Variants in IPO11 observed in about 807,000 individuals in gnomAD.
IPO11 encodes the protein importin-11.
Under a neutral mutation model 143.2 loss-of-function variants are expected in IPO11, and 66 were observed. The observed-to-expected ratio is 0.46, with a 90% CI of 0.38 to 0.57. IPO11 has a LOEUF of 0.57. Among genes scored for constraint, IPO11 ranks in the 20% least tolerant of loss-of-function variants. The pLI is 0.00. For synonymous variants in IPO11, 385 were observed against 377.8 expected (o/e 1.02, Z -0.22); for missense variants, 1,026 against 1,141.0 (o/e 0.90, Z 1.45).
chr5:62,498,987 T>A (rs1237064336), intron 16 of IPO11, among the ~76,000 whole-genome samples: 1 of 152,260 alleles, frequency 6.6e-6, no homozygotes, highest in Non-Finnish European at 1.5e-5. Context: ...TGAAAGCCTA[T>A]GTAAGATATA....
intron 9 of IPO11, among the ~76,000 whole-genome samples, chr5:62,477,447 A>C (rs1580224515): frequency 6.6e-6 from 1 of 152,320 alleles, no homozygotes; most frequent in East Asian, 1.9e-4. Flanking sequence ...AAGGAGCAGA[A>C]ATGAGCTGTT....
At chr5:62,459,777 C>T (rs1745292715) in intron 5 of IPO11, among the ~76,000 whole-genome samples, 1 of 152,152 alleles carries the variant, frequency 6.6e-6, no homozygotes, top group Non-Finnish European at 1.5e-5. Context: ...TCACGAACTC[C>T]TGAGCTTATG....
intron 24 of IPO11, among the ~76,000 whole-genome samples, chr5:62,547,501 A>ATTT (rs1743245504): frequency 6.6e-6 from 1 of 151,880 alleles, no homozygotes; most frequent in Non-Finnish European, 1.5e-5. Flanking sequence ...CTAGTTCTGA[A>ATTT]TTTTCTCTTG....
At chr5:62,579,877 G>T (rs1324019597) in intron 27 of IPO11, 9 of 1,550,200 alleles carry the variant, frequency 5.8e-6, no homozygotes, top group Non-Finnish European at 1.7e-6. Flanking sequence ...GGTATCTTTT[G>T]TTCCGAGAGG....
chr5:62,492,897 CA>C (rs1740975379), intron 15 of IPO11, among the ~76,000 whole-genome samples: 1 of 151,558 alleles, frequency 6.6e-6, no homozygotes, highest in African/African-American at 2.4e-5. Flanking sequence ...TTTAAAATTG[CA>C]ATTTTTTGGG....
In IPO11 at chr5:62,514,452, C is replaced by T. The variant is rs375653537; in HGVS notation, c.1783-936C>T. ...CAAAAAAACACGAAAACCAGTCAGGCGTGGCGGCGCACGCCTGCAATCGCA... is the reference window on the plus strand; with the variant it reads ...CAAAAAAACACGAAAACCAGTCAGGTGTGGCGGCGCACGCCTGCAATCGCA... On this transcript the variant is annotated intron_variant, in intron 19 of 29. Coordinates refer to ENST00000325324, the MANE Select transcript of IPO11 (RefSeq NM_016338.5). Among the ~76,000 whole-genome samples, 60 of 151,958 alleles carry T rather than the reference C, an allele frequency of 3.9e-4. 1 individual carries two copies. In the East Asian group the frequency reaches 9.7e-3, roughly 24 times the overall value.
chr5:62,422,190 C>T (rs1403713919), intron 1 of IPO11, among the ~76,000 whole-genome samples: 1 of 151,900 alleles, frequency 6.6e-6, no homozygotes, highest in African/African-American at 2.4e-5. Flanking sequence ...GCAGTGACAC[C>T]ATCTTGGCTC....
At chr5:62,580,305 G>A in intron 27 of IPO11, 1 of 1,537,008 alleles carries the variant, frequency 6.5e-7, no homozygotes, top group Non-Finnish European at 8.8e-7. Context: ...ATGATTTAGA[G>A]AATTTAAATT....
At position 62,627,146 on chromosome 5, in the gene IPO11, T is replaced by C; in HGVS notation, c.2764-8T>C. 1 of 1,612,096 alleles carries C rather than the reference T, an allele frequency of 6.2e-7. No homozygotes were observed. Among genetic ancestry groups the C allele is most frequent in the Non-Finnish European group, 8.5e-7 (1 of 1,178,718 alleles). On this transcript the variant is annotated splice_polypyrimidine_tract_variant and splice_region_variant and intron_variant, in intron 29 of 29. Transcript: ENST00000325324. ...TTTGACAGTCTTGCTCCTCTCTGTA[T>C]CCCACAGCTGGCCCTGAAGGACCCT...
chr5:62,573,933 A>C (rs1406829977), intron 27 of IPO11, among the ~76,000 whole-genome samples: 1 of 152,166 alleles, frequency 6.6e-6, no homozygotes, highest in Non-Finnish European at 1.5e-5. Flanking sequence ...ATTTGGTAAT[A>C]AACTTTCCTT....
At chr5:62,473,833 A>AT (rs1745868591) in intron 7 of IPO11, among the ~76,000 whole-genome samples, 3 of 152,184 alleles carry the variant, frequency 2.0e-5, no homozygotes, top group Admixed American at 2.0e-4. Context: ...AAAAGGGTCC[A>AT]TTAGACCTAG....
chr5:62,451,246 T>C (rs1363590583), intron 4 of IPO11, among the ~76,000 whole-genome samples: 4 of 152,226 alleles, frequency 2.6e-5, no homozygotes, highest in Non-Finnish European at 4.4e-5. Flanking sequence ...GTTATATCTG[T>C]TGATATTTAC....
chr5:62,486,049 C>T (rs544610700), intron 12 of IPO11, among the ~76,000 whole-genome samples: 170 of 148,096 alleles, frequency 1.1e-3, no homozygotes, highest in African/African-American at 3.8e-3. Context: ...TGGTGCATCT[C>T]GGCTCACTGC....
chr5:62,586,025 A>G (rs1230750841), intron 27 of IPO11, among the ~76,000 whole-genome samples: 3 of 152,146 alleles, frequency 2.0e-5, no homozygotes, highest in East Asian at 1.9e-4. Flanking sequence ...GGAGGCACTC[A>G]TAAGTTTGGT....
intron 21 of IPO11, 113 bp from the exon 22 acceptor site, chr5:62,530,596 A>G: frequency 3.1e-6 from 2 of 641,710 alleles, no homozygotes; most frequent in Non-Finnish European, 5.6e-6. Context: ...AACTTAACTG[A>G]TTATACACTT....
chr5:62,552,679 T>C (rs192006400), intron 26 of IPO11, among the ~76,000 whole-genome samples: 12 of 152,312 alleles, frequency 7.9e-5, no homozygotes, highest in African/African-American at 2.9e-4. Context: ...TTTACTTTCT[T>C]GTTTCCATGA....
intron 20 of IPO11, among the ~76,000 whole-genome samples, chr5:62,516,541 A>C (rs543591090): frequency 6.6e-6 from 1 of 151,936 alleles, no homozygotes; most frequent in African/African-American, 2.4e-5. Flanking sequence ...TGATCCGCCC[A>C]CCTCAGGCTC....
At chr5:62,601,403 TG>T (rs1745502262) in intron 28 of IPO11, 1 of 155,972 alleles carries the variant, frequency 6.4e-6, no homozygotes, top group African/African-American at 2.4e-5. Context: ...GTGAAAATTA[TG>T]GGGAAAAATA....
chr5:62,517,746 A>T (rs1742075654), intron 20 of IPO11, among the ~76,000 whole-genome samples: 1 of 152,138 alleles, frequency 6.6e-6, no homozygotes, highest in Non-Finnish European at 1.5e-5. Context: ...TTTGTGAGAG[A>T]CATGTAACTA....
Sources: gnomAD v4.1 joint callset for allele counts (sites outside exome capture counted in the v4.1 genomes callset) on GRCh38, gnomAD v4.1.1 for gene constraint, MANE v1.5 for transcripts, NCBI Gene and HGNC (gene_info 2026-07-23, HGNC 2026-07-21) for gene names.